CREB5: variants seen among roughly 807,000 people sequenced by gnomAD.
CREB5 encodes cyclic AMP-responsive element-binding protein 5.
Under a neutral mutation model 57.1 loss-of-function variants are expected in CREB5, and 19 were observed. That is an observed-to-expected ratio of 0.33 (90% CI 0.23 to 0.49). The LOEUF (loss-of-function observed/expected upper bound fraction) is 0.49, where lower values mean the gene tolerates loss of function less well. CREB5 is among the 20% of genes least tolerant of loss of function. The pLI is 0.99. For synonymous variants in CREB5, 238 were observed against 238.3 expected (o/e 1.00, Z 0.01); for missense variants, 579 against 671.6 (o/e 0.86, Z 1.52).
intron 4 of CREB5, among the ~76,000 whole-genome samples, chr7:28,513,190 G>A (rs955671410): frequency 6.6e-6 from 1 of 152,226 alleles, no homozygotes; most frequent in African/African-American, 2.4e-5. Context: ...AGCCAGCATC[G>A]CTGCTCTGTG....
At chr7:28,511,303 A>C (rs1223105425) in intron 4 of CREB5, among the ~76,000 whole-genome samples, 2 of 151,954 alleles carry the variant, frequency 1.3e-5, no homozygotes, top group Non-Finnish European at 2.9e-5. Flanking sequence ...AGAATGTTTC[A>C]AGCTGAAAGC....
At chr7:28,336,822 C>T (rs73082470) in intron 1 of CREB5, among the ~76,000 whole-genome samples, 18 of 151,490 alleles carry the variant, frequency 1.2e-4, no homozygotes, top group Non-Finnish European at 2.4e-4. Flanking sequence ...TTTTTTGATG[C>T]GTGCTTACAG....
intron 5 of CREB5, among the ~76,000 whole-genome samples, chr7:28,625,995 C>T (rs936212542): frequency 6.6e-6 from 1 of 152,030 alleles, no homozygotes; most frequent in African/African-American, 2.4e-5. Context: ...TTTCTTACAC[C>T]CTCTGGGAAA....
At chr7:28,753,020 A>G (rs1340316065) in intron 7 of CREB5, among the ~76,000 whole-genome samples, 1 of 152,168 alleles carries the variant, frequency 6.6e-6, no homozygotes, top group African/African-American at 2.4e-5. Flanking sequence ...GAGGATATCA[A>G]TTATATGCCA....
At chr7:28,731,390 A>C (rs192710991) in intron 7 of CREB5, among the ~76,000 whole-genome samples, 1 of 152,300 alleles carries the variant, frequency 6.6e-6, no homozygotes, top group Non-Finnish European at 1.5e-5. Flanking sequence ...CCTGATCAGA[A>C]CTCCAAATAC....
chr7:28,642,959 CACACACACACACACACACACACACACAT>C (rs1407633474), intron 5 of CREB5, among the ~76,000 whole-genome samples: 4,115 of 86,918 alleles, frequency 0.047, 63 homozygotes, highest in Non-Finnish European at 0.06. Flanking sequence ...TTTACACACA[CACACACACACACACACACACACACACAT>C]ACACACACAC....
intron 1 of CREB5, among the ~76,000 whole-genome samples, chr7:28,392,776 G>A (rs1787247832): frequency 1.3e-5 from 2 of 152,296 alleles, no homozygotes; most frequent in East Asian, 3.9e-4. Flanking sequence ...TCGAGGTACA[G>A]GTTACACCTT....
rs369283835 is a variant in CREB5, at chr7:28,795,039, T to C, written c.703-9160T>C. Reference sequence around the variant, plus strand: ...CAGGCAGGTGAGGGACCTGGACTTGTATGGCTCACATCATGGCCCTGCGGA... The same window carrying C: ...CAGGCAGGTGAGGGACCTGGACTTGCATGGCTCACATCATGGCCCTGCGGA... On this transcript the variant is annotated intron_variant, in intron 7 of 10. Coordinates refer to ENST00000357727, the MANE Select transcript of CREB5 (RefSeq NM_182898.4). 1.4e-3 allele frequency among the ~76,000 whole-genome samples: 208 copies of C among 152,322 alleles called. 4 individuals carry two copies. The South Asian group carries it at 0.019, about 14-fold the overall frequency.
intron 7 of CREB5, among the ~76,000 whole-genome samples, chr7:28,801,546 A>T (rs1583777598): frequency 6.6e-6 from 1 of 152,336 alleles, no homozygotes. Context: ...AAAAGTTTTT[A>T]AAATTACATG....
At chr7:28,432,889 A>G (rs113503476) in intron 1 of CREB5, among the ~76,000 whole-genome samples, 1,598 of 152,300 alleles carry the variant, frequency 0.01, 34 homozygotes, top group African/African-American at 0.037. Flanking sequence ...CATATAATCT[A>G]TGTCTTCATC....
intron 5 of CREB5, among the ~76,000 whole-genome samples, chr7:28,620,330 A>C (rs1186511752): frequency 6.6e-6 from 1 of 152,124 alleles, no homozygotes; most frequent in Non-Finnish European, 1.5e-5. Flanking sequence ...TTCTTCTATA[A>C]CTAAATCCAT....
chr7:28,384,124 G>A (rs938827442), intron 1 of CREB5, among the ~76,000 whole-genome samples: 64 of 152,176 alleles, frequency 4.2e-4, no homozygotes, highest in Non-Finnish European at 2.8e-4. Context: ...ATGAAATATC[G>A]TTTAAGGTTA....
At chr7:28,590,675 A>C (rs936376741) in intron 5 of CREB5, among the ~76,000 whole-genome samples, 1 of 46,436 alleles carries the variant, frequency 2.2e-5, no homozygotes, top group Non-Finnish European at 3.4e-5. Flanking sequence ...CTTAAAGTAT[A>C]ATAATAATAA....
intron 1 of CREB5, among the ~76,000 whole-genome samples, chr7:28,369,862 T>A (rs1039493242): frequency 1.3e-5 from 2 of 152,074 alleles, no homozygotes; most frequent in African/African-American, 4.8e-5. Flanking sequence ...CATATTACTT[T>A]CTCCTAGGAG....
intron 5 of CREB5, among the ~76,000 whole-genome samples, chr7:28,623,396 G>C (rs1562533163): frequency 6.6e-6 from 1 of 152,316 alleles, no homozygotes; most frequent in East Asian, 1.9e-4. Flanking sequence ...ATAAAAAAGA[G>C]TCTTTATATG....
At chr7:28,557,981 G>T in intron 4 of CREB5, among the ~76,000 whole-genome samples, 1 of 152,200 alleles carries the variant, frequency 6.6e-6, no homozygotes, top group East Asian at 1.9e-4. Flanking sequence ...TGTGCTAGGA[G>T]AAATTGATGA....
intron 5 of CREB5, among the ~76,000 whole-genome samples, chr7:28,610,820 C>G (rs866410264): frequency 3.3e-5 from 5 of 151,938 alleles, no homozygotes; most frequent in African/African-American, 1.2e-4. Context: ...AATAGATTGT[C>G]TTGGCAATTT....
chr7:28,608,936 A>G (rs1797283179), intron 5 of CREB5: 1 of 152,216 alleles, frequency 6.6e-6, no homozygotes, highest in Non-Finnish European at 1.5e-5. Context: ...ATAAATATTA[A>G]CCAGTAGCGA....
At chr7:28,750,589 T>G (rs143773779) in intron 7 of CREB5, among the ~76,000 whole-genome samples, 25 of 120,988 alleles carry the variant, frequency 2.1e-4, no homozygotes, top group Non-Finnish European at 3.8e-4. Context: ...AGAAGCTTAA[T>G]ACGAAATATA....
Sources: allele counts gnomAD v4.1 joint callset (sites outside exome capture counted in the v4.1 genomes callset), GRCh38; gene constraint gnomAD v4.1.1; transcripts MANE v1.5; gene names NCBI Gene and HGNC (gene_info 2026-07-23, HGNC 2026-07-21).